SH2D4B: variants seen among roughly 807,000 people sequenced by gnomAD.
SH2D4B encodes SH2 domain containing 4B, also known as SH2 domain-containing protein 4B.
Under a neutral mutation model 61.5 loss-of-function variants are expected in SH2D4B, and 45 were observed. The observed-to-expected ratio is 0.73, with a 90% CI of 0.58 to 0.94. SH2D4B has a LOEUF of 0.94. SH2D4B is among the 40% of genes least tolerant of loss of function. The probability of loss-of-function intolerance (pLI) is 0.00; values close to 1 mark genes in which losing one functional copy is unlikely to be tolerated. For synonymous variants in SH2D4B, 224 were observed against 220.4 expected (o/e 1.02, Z -0.14); for missense variants, 572 against 574.2 (o/e 1.00, Z 0.04).
At chr10:80,592,925 C>T (rs2132133100) in intron 4 of SH2D4B, among the ~76,000 whole-genome samples, 1 of 151,846 alleles carries the variant, frequency 6.6e-6, no homozygotes, top group Non-Finnish European at 1.5e-5. Context: ...TGCCATGTTG[C>T]CCAGTCTGGT....
intron 6 of SH2D4B, among the ~76,000 whole-genome samples, chr10:80,624,966 A>G (rs1306036978): frequency 1.3e-5 from 2 of 152,148 alleles, no homozygotes; most frequent in East Asian, 3.8e-4. Flanking sequence ...CCAAATCCTA[A>G]AGCCCTCACC....
intron 6 of SH2D4B, among the ~76,000 whole-genome samples, chr10:80,617,096 C>T (rs1842669812): frequency 6.6e-6 from 1 of 152,224 alleles, no homozygotes; most frequent in Non-Finnish European, 1.5e-5. Flanking sequence ...GTTCAGAATC[C>T]ATGCTCTTAC....
intron 4 of SH2D4B, among the ~76,000 whole-genome samples, chr10:80,602,711 T>C (rs905579733): frequency 1.3e-5 from 2 of 152,212 alleles, no homozygotes; most frequent in Non-Finnish European, 2.9e-5. Flanking sequence ...GCCTGGTCCA[T>C]TAACCCAGTT....
chr10:80,581,177 G>C (rs1842181275), intron 3 of SH2D4B, among the ~76,000 whole-genome samples: 1 of 152,184 alleles, frequency 6.6e-6, no homozygotes, highest in Non-Finnish European at 1.5e-5. Context: ...CCTGGGTGGT[G>C]TCCTACTCTC....
chr10:80,550,762 A>C (rs184728638), intron 1 of SH2D4B, among the ~76,000 whole-genome samples: 2 of 152,334 alleles, frequency 1.3e-5, no homozygotes, highest in Admixed American at 1.3e-4. Flanking sequence ...AGCAAGTGGA[A>C]TCTCAGAGAG....
At chr10:80,564,394 G>A (rs945839562) in intron 1 of SH2D4B, among the ~76,000 whole-genome samples, 5 of 152,110 alleles carry the variant, frequency 3.3e-5, no homozygotes, top group East Asian at 3.9e-4. Context: ...CCCATTAGCC[G>A]CACTTGCAAG....
intron 4 of SH2D4B, among the ~76,000 whole-genome samples, chr10:80,601,714 C>G (rs973110861): frequency 1.3e-5 from 2 of 152,202 alleles, no homozygotes; most frequent in Non-Finnish European, 2.9e-5. Flanking sequence ...TGTTCTGTTC[C>G]CAGAAAGGGT....
At chr10:80,640,945 C>T (rs1415058182) in intron 7 of SH2D4B, among the ~76,000 whole-genome samples, 1 of 152,134 alleles carries the variant, frequency 6.6e-6, no homozygotes, top group East Asian at 1.9e-4. Flanking sequence ...CCTTTGGTTG[C>T]AATATTGGTG....
chr10:80,541,445 A>G (rs187253588), intron 1 of SH2D4B, among the ~76,000 whole-genome samples: 2 of 151,758 alleles, frequency 1.3e-5, no homozygotes, highest in Non-Finnish European at 2.9e-5. Flanking sequence ...TTTTTTTCTG[A>G]AGGAAGCACC....
At chr10:80,624,939 C>A (rs1038043138) in intron 6 of SH2D4B, among the ~76,000 whole-genome samples, 2 of 152,116 alleles carry the variant, frequency 1.3e-5, no homozygotes, top group Admixed American at 6.5e-5. Context: ...ATAAAGAAAG[C>A]TTAAGTGGGA....
At chr10:80,563,721 T>C (rs1468935351) in intron 1 of SH2D4B, among the ~76,000 whole-genome samples, 4 of 152,226 alleles carry the variant, frequency 2.6e-5, no homozygotes, top group African/African-American at 9.6e-5. Flanking sequence ...CTCTTTGTGA[T>C]ACTCAGTATT....
intron 7 of SH2D4B, among the ~76,000 whole-genome samples, chr10:80,634,902 G>A (rs1234480044): frequency 6.6e-6 from 1 of 152,208 alleles, no homozygotes; most frequent in Non-Finnish European, 1.5e-5. Context: ...GCTTCTGAGA[G>A]TTAGCTGAAG....
At chr10:80,541,284 T>C (rs988651221) in intron 1 of SH2D4B, among the ~76,000 whole-genome samples, 3 of 152,212 alleles carry the variant, frequency 2.0e-5, no homozygotes, top group African/African-American at 7.2e-5. Flanking sequence ...CTGTTTTTAC[T>C]CTCTTCCTTT....
intron 3 of SH2D4B, among the ~76,000 whole-genome samples, chr10:80,576,331 T>G (rs1019562043): frequency 6.6e-6 from 1 of 152,244 alleles, no homozygotes; most frequent in Non-Finnish European, 1.5e-5. Context: ...ATATGTTTGT[T>G]TTGGTTCAAA....
intron 3 of SH2D4B, among the ~76,000 whole-genome samples, chr10:80,587,622 A>G (rs915671382): frequency 6.6e-6 from 1 of 151,966 alleles, no homozygotes; most frequent in African/African-American, 2.4e-5. Context: ...CCAGAGGTGC[A>G]TGTGCAGGTT....
At position 80,644,034 on chromosome 10, in the gene SH2D4B, AC is replaced by A; in HGVS notation, c.1254del (p.Cys419AlafsTer90). The A allele has an allele frequency of 1.2e-6, 2 of 1,613,926 alleles. No individual in the cohort carries two copies. Among genetic ancestry groups the A allele is most frequent in the Non-Finnish European group, 1.7e-6 (2 of 1,179,940 alleles). ...TVSGGELLQE[P>X]CGQRDSPPDY... is the part of the protein sequence containing the mutation. The stretch of plus-strand genomic sequence containing the variant: ...TTTCAGGAGGAGAGTTACTTCAGGA[AC>A]CCTGCGGACAGAGGGACAGCCCACC... On this transcript the variant is annotated frameshift_variant, in exon 8 of 8. Coordinates refer to ENST00000646907, the MANE Select transcript of SH2D4B (RefSeq NM_001388272.1). LOFTEE classifies it high-confidence loss of function.
chr10:80,553,138 G>A (rs1235938436), intron 1 of SH2D4B, among the ~76,000 whole-genome samples: 1 of 152,164 alleles, frequency 6.6e-6, no homozygotes, highest in Non-Finnish European at 1.5e-5. Flanking sequence ...GGCAGGTCTT[G>A]AACTCCTGAC....
At chr10:80,556,058 T>C (rs1445700261) in intron 1 of SH2D4B, among the ~76,000 whole-genome samples, 1 of 152,180 alleles carries the variant, frequency 6.6e-6, no homozygotes, top group African/African-American at 2.4e-5. Flanking sequence ...AATCTGAGTA[T>C]ATATACATAT....
chr10:80,632,128 AAAAAGTGTGG>A lies in SH2D4B; in HGVS notation c.989-2155_989-2146del, dbSNP rs529487052. Among the ~76,000 whole-genome samples, 374 of 151,948 alleles carry A rather than the reference AAAAAGTGTGG, an allele frequency of 2.5e-3. 2 individuals carry two copies. The highest frequency in any genetic ancestry group is 7.2e-3 in the African/African-American group (300 of 41,432). Reference sequence around the variant, plus strand: ...TTTTTGTGGAGATAGTTGTCTCCACAAAAAGTGTGGAGACAACAACATGGGCTATGTTGCC... The same window carrying A: ...TTTTTGTGGAGATAGTTGTCTCCACAAGACAACAACATGGGCTATGTTGCC... On this transcript the variant is annotated intron_variant, in intron 6 of 7. Transcript: ENST00000646907.
Sources: allele counts gnomAD v4.1 joint callset (sites outside exome capture counted in the v4.1 genomes callset), GRCh38; gene constraint gnomAD v4.1.1; transcripts MANE v1.5; gene names NCBI Gene and HGNC (gene_info 2026-07-23, HGNC 2026-07-21).